The following RTN1 variants were observed in gnomAD, a reference collection of about 807,000 sequenced individuals.
RTN1 encodes reticulon-1.
RTN1 carries 25 observed loss-of-function variants against 65.5 expected under a neutral mutation model. The observed-to-expected ratio is 0.38, with a 90% CI of 0.28 to 0.53. The LOEUF is 0.53. RTN1 is among the 20% of genes least tolerant of loss of function. The pLI is 0.79. For missense variants in RTN1, 983 were observed against 1,025.4 expected (o/e 0.96, Z 0.57); for synonymous variants, 471 against 447.6 (o/e 1.05, Z -0.66).
At chr14:59,759,240 T>C (rs1885701033) in intron 1 of RTN1, among the ~76,000 whole-genome samples, 1 of 152,156 alleles carries the variant, frequency 6.6e-6, no homozygotes, top group Non-Finnish European at 1.5e-5. Context: ...CTTCCAACCT[T>C]ATTTTAAACA....
At chr14:59,637,495 C>T (rs1254683273) in intron 3 of RTN1, among the ~76,000 whole-genome samples, 2 of 152,068 alleles carry the variant, frequency 1.3e-5, no homozygotes, top group African/African-American at 4.8e-5. Flanking sequence ...AGGCGGCTCA[C>T]GAAGTCAAGA....
chr14:59,805,349 G>A (rs1594750207), intron 1 of RTN1, among the ~76,000 whole-genome samples: 1 of 152,122 alleles, frequency 6.6e-6, no homozygotes, highest in Admixed American at 6.5e-5. Flanking sequence ...ATTGAATTCT[G>A]AAACAGTTTC....
chr14:59,860,480 A>G (rs1887688813), intron 1 of RTN1, among the ~76,000 whole-genome samples: 1 of 152,194 alleles, frequency 6.6e-6, no homozygotes, highest in Non-Finnish European at 1.5e-5. Flanking sequence ...AGGGCAGTGC[A>G]AAAGAGAAAT....
intron 2 of RTN1, among the ~76,000 whole-genome samples, chr14:59,740,431 C>G (rs1414688175): frequency 6.6e-6 from 1 of 152,182 alleles, no homozygotes; most frequent in Non-Finnish European, 1.5e-5. Context: ...ACATTTGACT[C>G]TCAGCTAAAC....
At chr14:59,676,209 C>T (rs929241370) in intron 3 of RTN1, among the ~76,000 whole-genome samples, 7 of 152,166 alleles carry the variant, frequency 4.6e-5, no homozygotes, top group Admixed American at 3.9e-4. Flanking sequence ...ATACTTATGA[C>T]TAACTGTCTT....
intron 1 of RTN1, among the ~76,000 whole-genome samples, chr14:59,797,977 A>G (rs1886470082): frequency 6.6e-6 from 1 of 152,130 alleles, no homozygotes; most frequent in Non-Finnish European, 1.5e-5. Context: ...GGCTTAATGG[A>G]TTTTATTTTG....
In RTN1 at chr14:59,846,538, G is replaced by T. The variant is rs1887414241; in HGVS notation, c.241+23852C>A. On this transcript the variant is annotated intron_variant, in intron 1 of 8. Transcript: ENST00000267484. This position sits in a 1 kb window ranked among gnomAD's most constrained non-coding sequence, Gnocchi z 4.8. ...CCCTTCTGTTCAGTGTTTCTCAGTG[G>T]TTACCAAGTAAGCATAATGGAAAAA... 6.6e-6 allele frequency among the ~76,000 whole-genome samples: 1 copy of T among 152,090 alleles called. No individual in the cohort carries two copies. The highest frequency in any genetic ancestry group is 1.5e-5 in the Non-Finnish European group (1 of 68,024).
chr14:59,719,482 C>A (rs1286671730), intron 3 of RTN1, among the ~76,000 whole-genome samples: 2 of 152,190 alleles, frequency 1.3e-5, no homozygotes, highest in African/African-American at 4.8e-5. Context: ...CCTCTTCCAC[C>A]AGAATGTAAG....
At chr14:59,628,959 A>T (rs1882472732) in intron 3 of RTN1, among the ~76,000 whole-genome samples, 1 of 152,256 alleles carries the variant, frequency 6.6e-6, no homozygotes, top group Admixed American at 6.5e-5. Flanking sequence ...GTTTATGTCC[A>T]ACTAAATTTG....
At chr14:59,779,102 A>G (rs1886106185) in intron 1 of RTN1, among the ~76,000 whole-genome samples, 2 of 152,200 alleles carry the variant, frequency 1.3e-5, no homozygotes, top group African/African-American at 4.8e-5. Flanking sequence ...AAGGACCAGG[A>G]CCAGGGAAAC....
intron 3 of RTN1, among the ~76,000 whole-genome samples, chr14:59,665,742 G>A (rs1883355721): frequency 6.6e-6 from 1 of 152,042 alleles, no homozygotes; most frequent in African/African-American, 2.4e-5. Context: ...AAGGGATGGA[G>A]GAAGACCTAC....
At chr14:59,837,642 A>G (rs562370026) in intron 1 of RTN1, among the ~76,000 whole-genome samples, 2 of 152,276 alleles carry the variant, frequency 1.3e-5, no homozygotes, top group East Asian at 3.9e-4. Context: ...AAGTAAATGC[A>G]AATAGCAATA....
In RTN1 at chr14:59,727,347, G is replaced by T; in HGVS notation, c.1337C>A (p.Ser446Ter). ...HVGGPPPSPA[S>*]PSIQYSILRE... is the part of the protein sequence containing the mutation. ...CAGGATGCTGTACTGGATGGATGGC[G>T]AGGCGGGCGAGGGCGGCGGGCCGCC... The change falls in exon 3 of 9, where the codon TCG becomes TAG. Residue 446 changes from serine to a stop codon, truncating the protein, a stop_gained. Coordinates refer to ENST00000267484, the MANE Select transcript of RTN1 (RefSeq NM_021136.3). LOFTEE classifies it high-confidence loss of function. This position sits in a 1 kb window ranked among gnomAD's most constrained non-coding sequence, Gnocchi z 4.2. 2 of 1,505,686 alleles carry T rather than the reference G, an allele frequency of 1.3e-6. No individual in the cohort carries two copies. The highest frequency in any genetic ancestry group is 1.3e-5 in the South Asian group (1 of 77,338). 93.3% of individuals were successfully genotyped at this position (1,505,686 alleles called of 1,614,324 possible).
intron 1 of RTN1, among the ~76,000 whole-genome samples, chr14:59,869,995 T>C (rs1887866246): frequency 6.6e-6 from 1 of 152,012 alleles, no homozygotes; most frequent in Non-Finnish European, 1.5e-5. Context: ...GCGCGCACAC[T>C]GCGCGCAAAC....
chr14:59,630,807 G>T, intron 3 of RTN1: 7 of 1,028,616 alleles, frequency 6.8e-6, no homozygotes, highest in Non-Finnish European at 8.1e-6. Context: ...GACGGGTAAA[G>T]CGGTTCTGGC....
chr14:59,792,178 G>C lies in RTN1; in HGVS notation c.242-45697C>G, dbSNP rs555372341. On this transcript the variant is annotated intron_variant, in intron 1 of 8. Coordinates refer to ENST00000267484, the MANE Select transcript of RTN1 (RefSeq NM_021136.3). ...TGGGTTTTAAATTTATTCTGTCTTT[G>C]AGCATGTCATTGGGTTTTGGGAGAG... Among the ~76,000 whole-genome samples, 12 of 152,152 alleles carry C rather than the reference G, an allele frequency of 7.9e-5. No homozygotes were observed. In the South Asian group the frequency reaches 2.1e-3, roughly 26 times the overall value.
At chr14:59,771,515 T>C (rs1439317273) in intron 1 of RTN1, among the ~76,000 whole-genome samples, 1 of 152,202 alleles carries the variant, frequency 6.6e-6, no homozygotes, top group Non-Finnish European at 1.5e-5. Flanking sequence ...TTAAGTCTTA[T>C]CATCAAATAT....
At chr14:59,718,531 T>C (rs182551321) in intron 3 of RTN1, among the ~76,000 whole-genome samples, 1 of 152,326 alleles carries the variant, frequency 6.6e-6, no homozygotes, top group Admixed American at 6.5e-5. Flanking sequence ...CCTATCTCAC[T>C]AAGGGTCTTA....
At chr14:59,747,884 T>C (rs923368145) in intron 1 of RTN1, among the ~76,000 whole-genome samples, 13 of 152,102 alleles carry the variant, frequency 8.5e-5, no homozygotes, top group African/African-American at 2.7e-4. Flanking sequence ...ACCTGAAGAA[T>C]AGACTAGAGC....
Sources: allele counts gnomAD v4.1 joint callset (sites outside exome capture counted in the v4.1 genomes callset), GRCh38; gene constraint gnomAD v4.1.1; non-coding constraint Gnocchi (gnomAD v3.1); transcripts MANE v1.5; gene names NCBI Gene and HGNC (gene_info 2026-07-23, HGNC 2026-07-21).